Variants in ADRA1B observed in about 807,000 individuals in gnomAD.
ADRA1B encodes the protein alpha-1B adrenergic receptor.
In ADRA1B, 17 loss-of-function variants were observed where a neutral mutation model predicts 17.9. The observed-to-expected ratio is 0.95, with a 90% CI of 0.65 to 1.42. The LOEUF is 1.42. Among genes scored for constraint, ADRA1B ranks in the 40% most tolerant of loss-of-function variants. ADRA1B has a pLI of 0.00. For synonymous variants in ADRA1B, 366 were observed against 327.6 expected (o/e 1.12, Z -1.27); for missense variants, 681 against 722.1 (o/e 0.94, Z 0.65).
At chr5:159,873,439 G>T (rs1490370337) in intron 1 of ADRA1B, among the ~76,000 whole-genome samples, 1 of 152,154 alleles carries the variant, frequency 6.6e-6, no homozygotes, top group African/African-American at 2.4e-5. Flanking sequence ...GAGCCACCTT[G>T]CCCAGGAGAG....
chr5:159,938,532 T>C (rs778726642), intron 1 of ADRA1B, among the ~76,000 whole-genome samples: 5 of 152,184 alleles, frequency 3.3e-5, no homozygotes, highest in East Asian at 1.9e-4. Context: ...ACAGAAAATA[T>C]GCCTTCAAGG....
intron 1 of ADRA1B, among the ~76,000 whole-genome samples, chr5:159,892,105 C>T (rs1056906114): frequency 1.1e-4 from 17 of 152,176 alleles, no homozygotes; most frequent in South Asian, 6.2e-4. Flanking sequence ...GGCGTGGTGG[C>T]GCACACCTGA....
chr5:159,925,578 C>T (rs1234597681), intron 1 of ADRA1B, among the ~76,000 whole-genome samples: 3 of 152,200 alleles, frequency 2.0e-5, no homozygotes, highest in Non-Finnish European at 4.4e-5. Flanking sequence ...GGTCCTGCCT[C>T]TTGATGCCAC....
intron 1 of ADRA1B, among the ~76,000 whole-genome samples, chr5:159,926,634 C>T (rs775586702): frequency 1.3e-5 from 2 of 152,126 alleles, no homozygotes; most frequent in Non-Finnish European, 2.9e-5. Context: ...AACCTGTAAT[C>T]CCAGCACTTT....
chr5:159,895,604 G>A (rs1005518637), intron 1 of ADRA1B, among the ~76,000 whole-genome samples: 2 of 152,056 alleles, frequency 1.3e-5, no homozygotes, highest in Non-Finnish European at 2.9e-5. Flanking sequence ...AACCACTATG[G>A]CAGACGTTTA....
intron 1 of ADRA1B, among the ~76,000 whole-genome samples, chr5:159,902,894 C>T (rs1754118272): frequency 1.3e-5 from 2 of 152,178 alleles, no homozygotes; most frequent in Non-Finnish European, 2.9e-5. Flanking sequence ...CCTCCTATGC[C>T]TCTGGCGTGT....
At chr5:159,964,232 C>T (rs1466853693) in intron 1 of ADRA1B, among the ~76,000 whole-genome samples, 1 of 152,168 alleles carries the variant, frequency 6.6e-6, no homozygotes, top group African/African-American at 2.4e-5. Flanking sequence ...GTTCCCTGTT[C>T]ACTTCTCTTT....
rs796918070 is a variant in ADRA1B, at chr5:159,895,967, A to T, written c.-255-20152A>T. 4.3e-4 allele frequency among the ~76,000 whole-genome samples: 65 copies of T among 152,312 alleles called. 1 individual carries two copies. Among genetic ancestry groups the T allele is most frequent in the African/African-American group, 1.5e-3 (63 of 41,572 alleles). ...TGAAAGCAAGTATCTCTTCTGTCTCATTCACCTGTGTCCCCTTCACATAGT... is the reference window on the plus strand; with the variant it reads ...TGAAAGCAAGTATCTCTTCTGTCTCTTTCACCTGTGTCCCCTTCACATAGT... On this transcript the variant is annotated intron_variant, in intron 1 of 2. Transcript: ENST00000641205.
chr5:159,874,522 G>GGT (rs1753782097), intron 1 of ADRA1B, among the ~76,000 whole-genome samples: 2 of 150,750 alleles, frequency 1.3e-5, no homozygotes, highest in African/African-American at 5.0e-5. Flanking sequence ...CCCTGAAGCT[G>GGT]GTGGTGACTC....
rs1418783256 is a variant in ADRA1B, at chr5:159,883,193, T to A, written c.-256+17987T>A. On this transcript the variant is annotated intron_variant, in intron 1 of 2. Coordinates refer to the ADRA1B transcript ENST00000641205. The stretch of plus-strand genomic sequence containing the variant: ...CCCCCTTCCAACTTGGTTTTTATCA[T>A]GCCTCCACTCCTACAATCAAAAAAC... Among the ~76,000 whole-genome samples, 12 of 152,332 alleles carry A rather than the reference T, an allele frequency of 7.9e-5. No individual in the cohort carries two copies. In the East Asian group the frequency reaches 2.3e-3, roughly 29 times the overall value.
chr5:159,972,226 C>G lies in ADRA1B; in HGVS notation c.1297C>G (p.Arg433Gly), dbSNP rs1024446789. Residue 433 changes from arginine (R) to glycine (G), a missense_variant, in exon 2 of 2, where the codon CGC becomes GGC. Physicochemically the swap from Arg to Gly is moderately radical, Grantham distance 125. Coordinates refer to ENST00000306675, the MANE Select transcript of ADRA1B (RefSeq NM_000679.4). ...SASPSPGYLG[R>G]GAPPPVELCA... is the part of the protein sequence containing the mutation. ...CTCGCCGAGCCCGGGCTACCTGGGC[C>G]GCGGCGCGCCACCGCCAGTCGAGCT... 2.6e-4 allele frequency: 351 copies of G among 1,345,014 alleles called. No homozygotes were observed. Among genetic ancestry groups the G allele is most frequent in the Non-Finnish European group, 3.2e-4 (335 of 1,045,912 alleles). The allele number at this position is 1,345,014 out of a possible 1,614,324, so 83.3% of individuals were successfully genotyped here.
chr5:159,968,420 G>A (rs1039711778), intron 1 of ADRA1B, among the ~76,000 whole-genome samples: 5 of 152,108 alleles, frequency 3.3e-5, no homozygotes, highest in Admixed American at 6.5e-5. Flanking sequence ...TCCATTTATC[G>A]CCTATTTCAC....
Position 159,902,726 on chromosome 5 carries a change from C to T in ADRA1B, c.-255-13393C>T, listed in dbSNP as rs142889322. Among the ~76,000 whole-genome samples the T allele has an allele frequency of 2.4e-4, 36 of 152,292 alleles. No individual in the cohort carries two copies. The East Asian group carries it at 6.0e-3, about 25-fold the overall frequency. On this transcript the variant is annotated intron_variant, in intron 1 of 2. Transcript: ENST00000641205. ...GCCTGGCACAAAGCCCTTGCTCAAC[C>T]GATGTCCATGGAACAAATGAAAGAG...
chr5:159,971,856 GCCCACCC>G lies in ADRA1B; in HGVS notation c.950-19_950-13del. The G allele has an allele frequency of 2.3e-6, 3 of 1,306,144 alleles. No individual in the cohort carries two copies. Among genetic ancestry groups the G allele is most frequent in the Non-Finnish European group, 2.9e-6 (3 of 1,017,610 alleles). The allele number at this position is 1,306,144 out of a possible 1,614,324, so 80.9% of individuals were successfully genotyped here. ...CACAAATTGCTGTCTTTCTGCCCGT[GCCCACCC>G]CCCTCCCCACTGCAGGCTCCTTGTT... On this transcript the variant is annotated splice_polypyrimidine_tract_variant and intron_variant, in intron 1 of 1. Transcript: ENST00000306675.
chr5:159,933,985 A>G (rs934864057), intron 1 of ADRA1B, among the ~76,000 whole-genome samples: 10 of 152,248 alleles, frequency 6.6e-5, no homozygotes, highest in African/African-American at 2.4e-4. Context: ...TATTTAGATC[A>G]GGGCATGGCA....
intron 1 of ADRA1B, among the ~76,000 whole-genome samples, chr5:159,871,653 T>C (rs545599028): frequency 6.6e-6 from 1 of 152,172 alleles, no homozygotes. Context: ...TCTTAACATC[T>C]TCAAAAGCCC....
chr5:159,907,405 C>G (rs1402341050), intron 1 of ADRA1B, among the ~76,000 whole-genome samples: 1 of 152,116 alleles, frequency 6.6e-6, no homozygotes, highest in Non-Finnish European at 1.5e-5. Context: ...AAGTATATAA[C>G]AGATGCCTAG....
intron 1 of ADRA1B, among the ~76,000 whole-genome samples, chr5:159,909,985 A>C (rs1246570957): frequency 6.6e-6 from 1 of 152,240 alleles, no homozygotes; most frequent in East Asian, 1.9e-4. Context: ...AAAAAGTTTT[A>C]AGAACCACAG....
At chr5:159,928,853 GGGA>G (rs1002088937) in intron 1 of ADRA1B, among the ~76,000 whole-genome samples, 10 of 152,162 alleles carry the variant, frequency 6.6e-5, no homozygotes, top group African/African-American at 2.4e-4. Flanking sequence ...CAGCTGGTTG[GGGA>G]GGAGGAGGAT....
Sources: gnomAD v4.1 joint callset for allele counts (sites outside exome capture counted in the v4.1 genomes callset) on GRCh38, gnomAD v4.1.1 for gene constraint, MANE v1.5 for transcripts, NCBI Gene and HGNC (gene_info 2026-07-23, HGNC 2026-07-21) for gene names.